Variants in TNIK observed in about 807,000 individuals in gnomAD.
TNIK encodes TRAF2 and NCK-interacting protein kinase.
Under a neutral mutation model 191.3 loss-of-function variants are expected in TNIK, and 49 were observed. The observed-to-expected ratio is 0.26, with a 90% CI of 0.20 to 0.32. The LOEUF is 0.32. Among genes scored for constraint, TNIK ranks in the 10% least tolerant of loss-of-function variants. The probability of loss-of-function intolerance (pLI) is 1.00; values close to 1 mark genes in which losing one functional copy is unlikely to be tolerated. For missense variants in TNIK, 1,155 were observed against 1,702.3 expected, an observed-to-expected ratio of 0.68 and a Z score of 5.66; for synonymous variants, 594 against 600.9, an observed-to-expected ratio of 0.99 and a Z score of 0.17.
intron 3 of TNIK, among the ~76,000 whole-genome samples, chr3:171,218,289 G>T (rs1213634182): frequency 6.6e-6 from 1 of 152,092 alleles, no homozygotes; most frequent in African/African-American, 2.4e-5. Flanking sequence ...TTCCCTAAAG[G>T]GGTAGATAAC....
At chr3:171,150,627 A>T (rs756840408) in intron 12 of TNIK, among the ~76,000 whole-genome samples, 1 of 152,232 alleles carries the variant, frequency 6.6e-6, no homozygotes, top group African/African-American at 2.4e-5. Flanking sequence ...ATCCATCAGA[A>T]GGCAGTTTCT....
intron 1 of TNIK, among the ~76,000 whole-genome samples, chr3:171,439,057 C>T (rs907898699): frequency 3.9e-5 from 6 of 152,276 alleles, no homozygotes; most frequent in South Asian, 2.1e-4. Context: ...GTTTTAAAAT[C>T]GGACTAGCCA....
chr3:171,459,988 C>T lies in TNIK; in HGVS notation c.57+19G>A. 6.2e-7 allele frequency: 1 copy of T among 1,605,302 alleles called. No individual in the cohort carries two copies. The highest frequency in any genetic ancestry group is 1.3e-5 in the African/African-American group (1 of 74,828). On this transcript the variant is annotated intron_variant, in intron 1 of 32. Transcript: ENST00000436636. ...CTAACCCAAACCACTGGAAAGAAAC[C>T]AGAAAACGTCCTGCTCACCCTCAGA...
intron 1 of TNIK, among the ~76,000 whole-genome samples, chr3:171,391,114 A>G (rs1423935689): frequency 2.0e-5 from 3 of 152,214 alleles, no homozygotes; most frequent in South Asian, 2.1e-4. Flanking sequence ...CAGAGGATGC[A>G]TCTACCATTT....
intron 12 of TNIK, among the ~76,000 whole-genome samples, chr3:171,156,548 C>T: frequency 6.6e-6 from 1 of 152,240 alleles, no homozygotes; most frequent in East Asian, 1.9e-4. Context: ...TAGATATGCT[C>T]TCTCGGTTTC....
At chr3:171,240,549 A>C (rs1303567095) in intron 2 of TNIK, among the ~76,000 whole-genome samples, 1 of 73,148 alleles carries the variant, frequency 1.4e-5, no homozygotes, top group Non-Finnish European at 2.9e-5. Flanking sequence ...CTCTTCTCCT[A>C]CTATTCCCCC....
At chr3:171,403,937 C>G (rs1721317359) in intron 1 of TNIK, among the ~76,000 whole-genome samples, 2 of 152,190 alleles carry the variant, frequency 1.3e-5, no homozygotes, top group African/African-American at 4.8e-5. Context: ...ACTTGGCTTT[C>G]TGTATTGCAC....
chr3:171,291,032 TA>T (rs1380162913), intron 2 of TNIK, among the ~76,000 whole-genome samples: 4 of 152,208 alleles, frequency 2.6e-5, no homozygotes, highest in Non-Finnish European at 5.9e-5. Flanking sequence ...CTTTTAGCAT[TA>T]TTTTTTTAGT....
intron 2 of TNIK, among the ~76,000 whole-genome samples, chr3:171,265,031 C>T (rs746110287): frequency 6.6e-6 from 1 of 152,162 alleles, no homozygotes; most frequent in South Asian, 2.1e-4. Context: ...AGAAGTTCCA[C>T]GTGGCATGGC....
At chr3:171,082,711 C>T in intron 26 of TNIK, 1 of 225,010 alleles carries the variant, frequency 4.4e-6, no homozygotes. Context: ...TTATTCCCTG[C>T]CTGGAAAAAC....
intron 1 of TNIK, among the ~76,000 whole-genome samples, chr3:171,415,893 A>G (rs1161613907): frequency 6.8e-6 from 1 of 146,524 alleles, no homozygotes; most frequent in African/African-American, 2.5e-5. Flanking sequence ...AGGCAGGAGA[A>G]TCACTTGAAC....
At chr3:171,380,173 G>A (rs544776152) in intron 1 of TNIK, among the ~76,000 whole-genome samples, 12 of 152,168 alleles carry the variant, frequency 7.9e-5, no homozygotes, top group African/African-American at 2.7e-4. Context: ...AGCTGTTTGG[G>A]AAAATGTATC....
chr3:171,186,542 C>T lies in TNIK; in HGVS notation c.639+2160G>A, dbSNP rs548485769. On this transcript the variant is annotated intron_variant, in intron 7 of 32. Transcript: ENST00000436636. ...TCCTCTTTTTACCCATGGCATATAA[C>T]CAGTGAAGCTCATATCCCTGCCATG... is the stretch of plus-strand genomic sequence containing the variant. Among the ~76,000 whole-genome samples the T allele has an allele frequency of 3.9e-5, 6 of 152,288 alleles. No individual in the cohort carries two copies. The East Asian group carries it at 9.6e-4, about 24-fold the overall frequency.
At chr3:171,202,462 A>C (rs1336453850) in intron 4 of TNIK, among the ~76,000 whole-genome samples, 1 of 152,206 alleles carries the variant, frequency 6.6e-6, no homozygotes, top group African/African-American at 2.4e-5. Flanking sequence ...TGAGAAACAC[A>C]ATATAAATAG....
intron 2 of TNIK, among the ~76,000 whole-genome samples, chr3:171,237,389 GCT>G (rs1230780636): frequency 1.3e-5 from 2 of 151,952 alleles, no homozygotes; most frequent in Non-Finnish European, 2.9e-5. Flanking sequence ...CTGAATCCCC[GCT>G]CTGTTACTGA....
chr3:171,196,468 T>G (rs1347015714), intron 4 of TNIK, among the ~76,000 whole-genome samples: 1 of 152,188 alleles, frequency 6.6e-6, no homozygotes, highest in Non-Finnish European at 1.5e-5. Context: ...CTCCAGCCAC[T>G]GATTTACAGG....
intron 1 of TNIK, among the ~76,000 whole-genome samples, chr3:171,424,463 C>T (rs968788956): frequency 2.2e-4 from 33 of 152,118 alleles, no homozygotes; most frequent in African/African-American, 7.5e-4. Flanking sequence ...TACCATTTGA[C>T]CCAGCCATCC....
intron 2 of TNIK, among the ~76,000 whole-genome samples, chr3:171,229,557 T>C (rs990483096): frequency 1.3e-5 from 2 of 152,232 alleles, no homozygotes; most frequent in African/African-American, 2.4e-5. Context: ...AATTTTGTAA[T>C]TGAGACCACC....
At chr3:171,190,605 C>T in intron 6 of TNIK, 92 bp downstream of exon 6, 2 of 991,416 alleles carry the variant, frequency 2.0e-6, no homozygotes, top group Non-Finnish European at 2.9e-6. Context: ...TCTCCAAATC[C>T]ACGGTGACAA....
Sources: gnomAD v4.1 joint callset for allele counts (sites outside exome capture counted in the v4.1 genomes callset) on GRCh38, gnomAD v4.1.1 for gene constraint, MANE v1.5 for transcripts, NCBI Gene and HGNC (gene_info 2026-07-23, HGNC 2026-07-21) for gene names.